Variants in DMD observed in about 807,000 individuals in gnomAD.
The protein encoded by DMD is mutant dystrophin.
In DMD, 63 loss-of-function variants were observed where a neutral mutation model predicts 330.1. The ratio of observed to expected loss-of-function variants is 0.19; its 90% CI spans 0.16 to 0.24. The LOEUF is 0.24. DMD is among the 10% of genes least tolerant of loss of function. The pLI, the probability that DMD is intolerant of heterozygous loss-of-function variation, is 1.00. For synonymous variants in DMD, 1,223 were observed against 959.8 expected (o/e 1.27, Z -5.07); for missense variants, 3,344 against 2,684.1 (o/e 1.25, Z -5.43).
chrX:31,722,231 G>A (rs1454859038), intron 52 of DMD, among the ~76,000 whole-genome samples: 1 of 110,192 alleles, frequency 9.1e-6, no homozygotes. Flanking sequence ...CAATTCTCCT[G>A]CCTCAGCCTC....
intron 19 of DMD, among the ~76,000 whole-genome samples, chrX:32,499,391 AC>A (rs925269329): frequency 2.7e-5 from 3 of 111,509 alleles, no homozygotes; most frequent in African/African-American, 9.8e-5. Flanking sequence ...ATAAATATAT[AC>A]GCACATATTT....
At chrX:32,750,553 T>C (rs979301104) in intron 7 of DMD, among the ~76,000 whole-genome samples, 2 of 110,552 alleles carry the variant, frequency 1.8e-5, no homozygotes, top group Non-Finnish European at 3.8e-5. Context: ...CACAGAGAAG[T>C]GCATATGACA....
intron 1 of DMD, among the ~76,000 whole-genome samples, chrX:33,261,119 AAC>A (rs1173053191): frequency 1.8e-4 from 20 of 111,339 alleles, no homozygotes; most frequent in African/African-American, 6.2e-4. Context: ...TTTTTCCCTA[AAC>A]ATAATGATCC....
chrX:31,708,505 T>C (rs777007448), intron 52 of DMD, among the ~76,000 whole-genome samples: 1 of 112,146 alleles, frequency 8.9e-6, no homozygotes, highest in Non-Finnish European at 1.9e-5. Flanking sequence ...TTTCTTTTGC[T>C]GGTTTTCTCT....
intron 7 of DMD, among the ~76,000 whole-genome samples, chrX:32,730,265 G>C (rs1268695153): frequency 8.9e-6 from 1 of 112,345 alleles, no homozygotes; most frequent in Admixed American, 9.4e-5. Flanking sequence ...AGGATCACTT[G>C]ACTCAGGAGT....
chrX:32,655,746 GTCTCCCATTATTAA>G (rs2060519492), intron 9 of DMD, among the ~76,000 whole-genome samples: 1 of 111,443 alleles, frequency 9.0e-6, no homozygotes, highest in Admixed American at 9.5e-5. Flanking sequence ...GGGTGTTAAA[GTCTCCCATTATTAA>G]CGTGTGGGAG....
intron 50 of DMD, among the ~76,000 whole-genome samples, chrX:31,814,674 T>C (rs1249227442): frequency 9.0e-6 from 1 of 110,949 alleles, no homozygotes; most frequent in Non-Finnish European, 1.9e-5. Context: ...AATCGGGTAT[T>C]GTAGAACATT....
At position 32,116,048 on chromosome X, in the gene DMD, T is replaced by C. The variant is rs1168803287; in HGVS notation, c.6438+100868A>G. On this transcript the variant is annotated intron_variant, in intron 44 of 78. Transcript: ENST00000357033. The stretch of plus-strand genomic sequence containing the variant: ...AAAATTATGAAAGAGTTAAATTCTT[T>C]TATCACGGCCTGCAAGATCCCGTGT... Among the ~76,000 whole-genome samples the C allele has an allele frequency of 4.5e-5, 5 of 112,056 alleles. No individual in the cohort carries two copies. The Admixed American group carries it at 4.7e-4, about 11-fold the overall frequency.
chrX:31,483,881 CTTTAA>C (rs1010849522), intron 57 of DMD, among the ~76,000 whole-genome samples: 28 of 112,026 alleles, frequency 2.5e-4, no homozygotes, highest in African/African-American at 8.1e-4. Context: ...GTAAGATCCT[CTTTAA>C]TTTAGTCACT....
intron 1 of DMD, among the ~76,000 whole-genome samples, chrX:33,112,141 G>C (rs1475437636): frequency 9.0e-6 from 1 of 110,795 alleles, no homozygotes; most frequent in African/African-American, 3.3e-5. Context: ...AGTACAATAA[G>C]ATATTTTGAG....
At chrX:33,067,127 G>A (rs1224319074) in intron 1 of DMD, among the ~76,000 whole-genome samples, 1 of 111,825 alleles carries the variant, frequency 8.9e-6, no homozygotes, top group Non-Finnish European at 1.9e-5. Context: ...GTGTCTGCAG[G>A]GAGTTTTTCA....
At chrX:31,700,624 T>G (rs1182580453) in intron 52 of DMD, among the ~76,000 whole-genome samples, 1 of 111,989 alleles carries the variant, frequency 8.9e-6, no homozygotes, top group East Asian at 2.8e-4. Context: ...GGATAATAGA[T>G]TATGAAAAAA....
At chrX:31,505,401 AAAC>A (rs1437150662) in intron 56 of DMD, among the ~76,000 whole-genome samples, 1 of 111,582 alleles carries the variant, frequency 9.0e-6, no homozygotes, top group Non-Finnish European at 1.9e-5. Flanking sequence ...GTGAAAAACA[AAAC>A]AAAACAAAAC....
chrX:31,189,529 A>G (rs900474683), intron 67 of DMD, among the ~76,000 whole-genome samples: 2 of 111,725 alleles, frequency 1.8e-5, no homozygotes, highest in East Asian at 5.6e-4. Context: ...TCAAGGGTCA[A>G]CTCTATATAG....
chrX:32,981,624 T>C (rs1209324635), intron 2 of DMD, among the ~76,000 whole-genome samples: 1 of 111,748 alleles, frequency 8.9e-6, no homozygotes, highest in Non-Finnish European at 1.9e-5. Context: ...GAAGACATTT[T>C]ATAAATACAA....
At position 32,374,053 on chromosome X, in the gene DMD, T is replaced by C. The variant is rs753296068; in HGVS notation, c.4845+6457A>G. 4.5e-5 allele frequency among the ~76,000 whole-genome samples: 5 copies of C among 112,023 alleles called. No homozygotes were observed. The South Asian group carries it at 1.9e-3, about 42-fold the overall frequency. Reference sequence around the variant, plus strand: ...GTTTAATTGGCATCTCTCTGATGATTAGTGATATTGAAGATTTTTTAATAT... The same window carrying C: ...GTTTAATTGGCATCTCTCTGATGATCAGTGATATTGAAGATTTTTTAATAT... On this transcript the variant is annotated intron_variant, in intron 34 of 78. Transcript: ENST00000357033.
chrX:32,379,822 C>G (rs1313809856), intron 34 of DMD, among the ~76,000 whole-genome samples: 1 of 110,566 alleles, frequency 9.0e-6, no homozygotes, highest in Admixed American at 9.7e-5. Context: ...TGTAAATGGC[C>G]TAACACAGTG....
chrX:32,609,573 A>C (rs770851684), intron 12 of DMD, among the ~76,000 whole-genome samples: 78 of 111,224 alleles, frequency 7.0e-4, no homozygotes, highest in African/African-American at 2.4e-3. Context: ...GAAATGTCAG[A>C]TCCTTTGGCA....
chrX:31,787,163 G>A (rs956543907), intron 50 of DMD, among the ~76,000 whole-genome samples: 3 of 111,023 alleles, frequency 2.7e-5, no homozygotes, highest in South Asian at 7.7e-4. Flanking sequence ...CCTGAGGTCC[G>A]GAGTTCAAGG....
Sources: gnomAD v4.1 joint callset for allele counts (sites outside exome capture counted in the v4.1 genomes callset) on GRCh38, gnomAD v4.1.1 for gene constraint, MANE v1.5 for transcripts, NCBI Gene and HGNC (gene_info 2026-07-23, HGNC 2026-07-21) for gene names.